NOX4: variants seen among roughly 807,000 people sequenced by gnomAD.
NOX4 encodes the protein NADPH oxidase 4.
A neutral mutation model predicts 87.6 loss-of-function variants in NOX4; 69 were observed. The ratio of observed to expected loss-of-function variants is 0.79; its 90% confidence interval spans 0.65 to 0.96. NOX4 has a LOEUF of 0.96. Ranked by LOEUF, NOX4 falls within the 40% of genes least tolerant of loss-of-function variation. NOX4 has a pLI of 0.00. For missense variants in NOX4, 680 were observed against 681.5 expected, an observed-to-expected ratio of 1.00 and a Z score of 0.02; for synonymous variants, 275 against 238.2, an observed-to-expected ratio of 1.15 and a Z score of -1.42.
At chr11:89,564,304 C>T in the NOX4 span, among the ~76,000 whole-genome samples, 12 of 152,102 alleles carry the variant, frequency 7.9e-5, no homozygotes, top group South Asian at 2.1e-4. Context: ...ATTACAATCA[C>T]GATGGAGGGG....
chr11:89,423,600 A>G (rs1943207372), intron 7 of NOX4, among the ~76,000 whole-genome samples: 1 of 152,114 alleles, frequency 6.6e-6, no homozygotes, highest in African/African-American at 2.4e-5. Flanking sequence ...AATTATTTTA[A>G]TGTTTAGTAA....
At chr11:89,427,044 C>T (rs1435688403) in intron 7 of NOX4, among the ~76,000 whole-genome samples, 5 of 152,136 alleles carry the variant, frequency 3.3e-5, no homozygotes, top group African/African-American at 9.7e-5. Context: ...AATGATCAGG[C>T]AGCAACATTT....
the NOX4 span, among the ~76,000 whole-genome samples, chr11:89,541,270 T>C: frequency 1.4e-4 from 22 of 152,332 alleles, no homozygotes; most frequent in Middle Eastern, 3.4e-3. Flanking sequence ...TGGGTACATT[T>C]CCTATTTTCT....
chr11:89,399,909 G>A (rs1941726119), intron 11 of NOX4, 108 bp downstream of exon 11: 1 of 650,352 alleles, frequency 1.5e-6, no homozygotes, highest in Admixed American at 3.0e-5. Flanking sequence ...TAAACATCAA[G>A]AGTACTATGA....
At chr11:89,394,659 C>T (rs563275728) in intron 11 of NOX4, among the ~76,000 whole-genome samples, 1 of 152,192 alleles carries the variant, frequency 6.6e-6, no homozygotes, top group Admixed American at 6.5e-5. Flanking sequence ...CCTAGCCCCC[C>T]ACCCCATGAC....
intron 11 of NOX4, among the ~76,000 whole-genome samples, chr11:89,379,733 T>A (rs11018597): frequency 6.6e-6 from 1 of 151,898 alleles, no homozygotes; most frequent in South Asian, 2.1e-4. Flanking sequence ...CTTCACTTCC[T>A]TTCACATTAT....
chr11:89,337,446 C>A lies in NOX4; in HGVS notation c.1515+1G>T. On this transcript the variant is annotated splice_donor_variant, in intron 16 of 17. Transcript: ENST00000263317. LOFTEE classifies it high-confidence loss of function. ...AATTTACGATAACATCAACCACATACCTGTATCCCATCTGTTTGACTGAGG... is the reference window on the plus strand; with the variant it reads ...AATTTACGATAACATCAACCACATAACTGTATCCCATCTGTTTGACTGAGG... The A allele has an allele frequency of 6.2e-7, 1 of 1,612,030 alleles. No individual in the cohort carries two copies. The highest frequency in any genetic ancestry group is 8.5e-7 in the Non-Finnish European group (1 of 1,178,578).
chr11:89,556,980 G>T, the NOX4 span: 1 of 152,140 alleles, frequency 6.6e-6, no homozygotes, highest in Non-Finnish European at 1.5e-5. Context: ...CTTCACACGT[G>T]CAGTCATATT....
the NOX4 span, among the ~76,000 whole-genome samples, chr11:89,573,070 T>C: frequency 2.0e-5 from 3 of 152,224 alleles, no homozygotes; most frequent in African/African-American, 7.2e-5. Flanking sequence ...TCCCAGACAA[T>C]GCAAGCACTG....
the NOX4 span, among the ~76,000 whole-genome samples, chr11:89,544,276 A>G: frequency 6.6e-6 from 1 of 151,868 alleles, no homozygotes; most frequent in South Asian, 2.1e-4. Context: ...TTTAGGTTAT[A>G]TTTTCCTAAT....
At chr11:89,431,288 C>G (rs1943766269) in intron 7 of NOX4, among the ~76,000 whole-genome samples, 2 of 152,054 alleles carry the variant, frequency 1.3e-5, no homozygotes, top group African/African-American at 2.4e-5. Flanking sequence ...TCAGGACATA[C>G]ACATGAGCAA....
chr11:89,550,505 C>T, the NOX4 span, among the ~76,000 whole-genome samples: 1 of 151,990 alleles, frequency 6.6e-6, no homozygotes. Flanking sequence ...GCATGAGATC[C>T]TATCTCATTG....
chr11:89,404,200 G>C (rs1462595917), intron 8 of NOX4, among the ~76,000 whole-genome samples: 2 of 152,070 alleles, frequency 1.3e-5, no homozygotes, highest in South Asian at 4.1e-4. Flanking sequence ...GACAACCTAG[G>C]AATTTGATTC....
intron 2 of NOX4, among the ~76,000 whole-genome samples, chr11:89,481,724 A>T (rs1417650704): frequency 6.6e-6 from 1 of 152,124 alleles, no homozygotes; most frequent in Admixed American, 6.6e-5. Flanking sequence ...CCTACATTCC[A>T]CATTCAGCTT....
chr11:89,555,847 A>G, the NOX4 span, among the ~76,000 whole-genome samples: 1 of 152,234 alleles, frequency 6.6e-6, no homozygotes, highest in Non-Finnish European at 1.5e-5. Context: ...GCAAATAAAT[A>G]TATGCAGGGT....
At chr11:89,373,814 A>C (rs1939639882) in intron 11 of NOX4, among the ~76,000 whole-genome samples, 1 of 152,108 alleles carries the variant, frequency 6.6e-6, no homozygotes, top group Non-Finnish European at 1.5e-5. Flanking sequence ...AAGAAAAGCC[A>C]GTTTTAAATC....
chr11:89,359,561 C>G (rs1408522920), intron 12 of NOX4, among the ~76,000 whole-genome samples: 1 of 151,818 alleles, frequency 6.6e-6, no homozygotes, highest in African/African-American at 2.4e-5. Context: ...ACAAAAGTAA[C>G]AATGATTAAT....
the NOX4 span, among the ~76,000 whole-genome samples, chr11:89,533,289 C>A: frequency 2.6e-5 from 4 of 151,920 alleles, no homozygotes; most frequent in African/African-American, 9.7e-5. Context: ...ATATATTCTT[C>A]CTTTATATCA....
intron 13 of NOX4, among the ~76,000 whole-genome samples, chr11:89,351,623 C>T (rs566488696): frequency 2.6e-5 from 4 of 152,242 alleles, no homozygotes; most frequent in African/African-American, 9.6e-5. Flanking sequence ...GCTCATTTAC[C>T]ATTCTGAAAA....
Sources: allele counts gnomAD v4.1 joint callset (sites outside exome capture counted in the v4.1 genomes callset), GRCh38; gene constraint gnomAD v4.1.1; transcripts MANE v1.5; gene names NCBI Gene and HGNC (gene_info 2026-07-23, HGNC 2026-07-21).